PTPN5: variants seen among roughly 807,000 people sequenced by gnomAD.
The protein encoded by PTPN5 is tyrosine-protein phosphatase non-receptor type 5.
Under a neutral mutation model 73.9 loss-of-function variants are expected in PTPN5, and 29 were observed. The observed-to-expected ratio is 0.39, with a 90% CI of 0.29 to 0.54. The LOEUF (loss-of-function observed/expected upper bound fraction) is 0.54, where lower values mean the gene tolerates loss of function less well. Ranked by LOEUF, PTPN5 falls within the 20% of genes least tolerant of loss-of-function variation. The pLI, the probability that PTPN5 is intolerant of heterozygous loss-of-function variation, is 0.65. For missense variants in PTPN5, 652 were observed against 751.4 expected (o/e 0.87, Z 1.55); for synonymous variants, 267 against 304.7 (o/e 0.88, Z 1.29).
At chr11:18,788,112 C>T (rs1235083530) in intron 1 of PTPN5, among the ~76,000 whole-genome samples, 2 of 152,196 alleles carry the variant, frequency 1.3e-5, no homozygotes, top group African/African-American at 2.4e-5. Context: ...TTAGTGCCTA[C>T]ATCCAATCAG....
intron 8 of PTPN5, among the ~76,000 whole-genome samples, chr11:18,739,758 G>A (rs149975646): frequency 6.6e-6 from 1 of 152,356 alleles, no homozygotes; most frequent in East Asian, 1.9e-4. Flanking sequence ...CCTGCTCACA[G>A]AAGTGAGGAG....
Position 18,729,220 on chromosome 11 carries a change from C to A in PTPN5, c.1605-193G>T, listed in dbSNP as rs1201556096. ...AGATGACATGTCCTACCACTTTCGG[C>A]CTCTGTCCTTTTATCCACCAGCTCT... On this transcript the variant is annotated intron_variant, in intron 14 of 14. Transcript: ENST00000358540. This position sits in a 1 kb window ranked among gnomAD's most constrained non-coding sequence, Gnocchi z 5.2. Among the ~76,000 whole-genome samples, 1 of 152,184 alleles carries A rather than the reference C, an allele frequency of 6.6e-6. No homozygotes were observed. The highest frequency in any genetic ancestry group is 1.5e-5 in the Non-Finnish European group (1 of 68,034).
intron 1 of PTPN5, among the ~76,000 whole-genome samples, chr11:18,778,725 C>G (rs543140326): frequency 6.6e-6 from 1 of 152,314 alleles, no homozygotes; most frequent in African/African-American, 2.4e-5. Context: ...GCTTCCTGTA[C>G]AGGCTGGCCA....
chr11:18,733,228 T>G lies in PTPN5; in HGVS notation c.1218+7A>C. The G allele has an allele frequency of 6.2e-7, 1 of 1,608,850 alleles. No homozygotes were observed. Among genetic ancestry groups the G allele is most frequent in the Non-Finnish European group, 8.5e-7 (1 of 1,175,958 alleles). On this transcript the variant is annotated splice_region_variant and intron_variant, in intron 11 of 14. Transcript: ENST00000358540. The surrounding 1 kb of genome is among the most constrained non-coding windows in gnomAD (Gnocchi z 4.3). ...CAGACACTTAGAATGGGGACGGGGG[T>G]CCCTACCTCGTTCATCTCCTCGATG...
intron 3 of PTPN5, among the ~76,000 whole-genome samples, chr11:18,764,353 T>C (rs1850535388): frequency 1.3e-5 from 2 of 152,304 alleles, no homozygotes; most frequent in South Asian, 4.1e-4. Flanking sequence ...CATTCAGATA[T>C]TCAGGAAGTT....
intron 3 of PTPN5, among the ~76,000 whole-genome samples, chr11:18,746,195 A>ACATT (rs1554916253): frequency 3.5e-4 from 40 of 114,008 alleles, no homozygotes; most frequent in African/African-American, 1.1e-3. Context: ...ATATATATAC[A>ACATT]TTTTTTTTTT....
At chr11:18,775,616 G>A (rs1176922588) in intron 1 of PTPN5, among the ~76,000 whole-genome samples, 1 of 152,198 alleles carries the variant, frequency 6.6e-6, no homozygotes, top group Non-Finnish European at 1.5e-5. Context: ...CTGTGTTGGT[G>A]GCAGCTGTGT....
At chr11:18,748,632 T>A (rs574646355) in intron 3 of PTPN5, among the ~76,000 whole-genome samples, 26 of 152,164 alleles carry the variant, frequency 1.7e-4, no homozygotes, top group African/African-American at 6.3e-4. Context: ...TAAGAACCCC[T>A]GATCTCGGGG....
At chr11:18,750,807 G>C (rs997326794) in intron 3 of PTPN5, among the ~76,000 whole-genome samples, 4 of 152,246 alleles carry the variant, frequency 2.6e-5, no homozygotes, top group African/African-American at 7.2e-5. Context: ...CTGAGGCACA[G>C]AGAGGTTAAG....
intron 2 of PTPN5, among the ~76,000 whole-genome samples, chr11:18,767,254 A>G (rs928192201): frequency 6.6e-5 from 10 of 152,184 alleles, no homozygotes; most frequent in Non-Finnish European, 1.3e-4. Context: ...TTAAGGGCAG[A>G]GAGGTCAGGT....
intron 1 of PTPN5, among the ~76,000 whole-genome samples, chr11:18,776,072 T>C (rs1459230319): frequency 6.6e-6 from 1 of 152,220 alleles, no homozygotes; most frequent in African/African-American, 2.4e-5. Context: ...TTATCCGGTC[T>C]GATCCTCTGT....
At chr11:18,789,780 T>A (rs759582770) in intron 1 of PTPN5, among the ~76,000 whole-genome samples, 24 of 152,012 alleles carry the variant, frequency 1.6e-4, no homozygotes, top group Non-Finnish European at 3.1e-4. Flanking sequence ...ACAATGGACT[T>A]TGGGGACTTG....
rs779142924 is a variant in PTPN5, at chr11:18,765,809, G to A, written c.95C>T (p.Pro32Leu). 16 of 1,566,494 alleles carry A rather than the reference G, an allele frequency of 1.0e-5. No individual in the cohort carries two copies. The African/African-American group carries it at 1.1e-4, about 11-fold the overall frequency. ...ALDMCCSERL[P>L]GLPQPIVMEA... ...AGCTGGGTGCTGAGAAGACTCACCC[G>A]GTAGCCTCTCACTGCAGCACATGTC... Residue 32 changes from proline to leucine, a missense_variant and splice_region_variant, in exon 3 of 15, where the codon CCG becomes CTG. This residue lies in a region of PTPN5 where 529 missense variants were observed against 573.9 expected (regional missense o/e 0.92). Coordinates refer to ENST00000358540, the MANE Select transcript of PTPN5 (RefSeq NM_006906.2).
Position 18,772,069 on chromosome 11 carries a change from C to T in PTPN5, c.-111G>A. On this transcript the variant is annotated splice_region_variant and 5_prime_UTR_variant, in exon 2 of 15. Transcript: ENST00000358540. The stretch of plus-strand genomic sequence containing the variant: ...GGAGAGAGGGCAGCTTCAGATCATC[C>T]AGCTGGGAAAACGGGGCAAAGAGAG... The T allele has an allele frequency of 1.3e-6, 1 of 784,098 alleles. No individual in the cohort carries two copies. Among genetic ancestry groups the T allele is most frequent in the Non-Finnish European group, 2.0e-6 (1 of 495,288 alleles). The allele number at this position is 784,098 out of a possible 1,614,324, so 48.6% of individuals were successfully genotyped here. A position where few individuals can be genotyped will look rare whatever the true frequency, so the allele number is the denominator to read the frequency against.
intron 1 of PTPN5, among the ~76,000 whole-genome samples, chr11:18,779,569 A>G (rs1477491707): frequency 1.3e-5 from 2 of 152,100 alleles, no homozygotes; most frequent in Non-Finnish European, 2.9e-5. Context: ...AGCTATAGGC[A>G]CTTAAGAGAG....
intron 3 of PTPN5, among the ~76,000 whole-genome samples, chr11:18,760,350 G>C (rs1850333097): frequency 6.6e-6 from 1 of 152,204 alleles, no homozygotes; most frequent in Non-Finnish European, 1.5e-5. Context: ...AGCTTTCCTT[G>C]ATTCAGGCCT....
chr11:18,741,993 G>A (rs1323944105), intron 7 of PTPN5, among the ~76,000 whole-genome samples: 1 of 152,254 alleles, frequency 6.6e-6, no homozygotes, highest in Middle Eastern at 3.2e-3. Flanking sequence ...CTGCAGCAAA[G>A]AAAACCACCC....
chr11:18,748,639 G>A (rs535635978), intron 3 of PTPN5, among the ~76,000 whole-genome samples: 6 of 152,160 alleles, frequency 3.9e-5, no homozygotes, highest in East Asian at 1.9e-4. Context: ...CCCTGATCTC[G>A]GGGGTGGGCA....
Position 18,742,390 on chromosome 11 carries a change from C to T in PTPN5, c.597G>A (p.Glu199=). ...PSFTYSEWME[E]KIEDDFLDLD... ...GGTCCAGGAAGTCATCCTCGATCTT[C>T]TCCTCCATCCACTCTGAGTAGGTGA... Residue 199 remains glutamate, a synonymous_variant, in exon 7 of 15, where the codon GAG becomes GAA. Transcript: ENST00000358540. The surrounding 1 kb of genome is among the most constrained non-coding windows in gnomAD (Gnocchi z 4.1). 1 of 1,614,158 alleles carries T rather than the reference C, an allele frequency of 6.2e-7. No homozygotes were observed. Among genetic ancestry groups the T allele is most frequent in the African/African-American group, 1.3e-5 (1 of 75,044 alleles).
Sources: allele counts gnomAD v4.1 joint callset (sites outside exome capture counted in the v4.1 genomes callset), GRCh38; gene constraint gnomAD v4.1.1; regional missense constraint gnomAD v4.1.1; non-coding constraint Gnocchi (gnomAD v3.1); transcripts MANE v1.5; gene names NCBI Gene and HGNC (gene_info 2026-07-23, HGNC 2026-07-21).